Variants in FRYL observed in about 807,000 individuals in gnomAD.
FRYL encodes FRY like transcription coactivator.
Under a neutral mutation model 351.2 loss-of-function variants are expected in FRYL, and 150 were observed. The ratio of observed to expected loss-of-function variants is 0.43; its 90% confidence interval spans 0.37 to 0.49. The LOEUF is 0.49. FRYL is among the 20% of genes least tolerant of loss of function. The pLI is 0.00. For missense variants in FRYL, 3,036 were observed against 3,619.3 expected (o/e 0.84, Z 4.13); for synonymous variants, 1,153 against 1,257.1 (o/e 0.92, Z 1.75).
intron 5 of FRYL, 59 bp downstream of exon 5, chr4:48,623,067 G>T: frequency 9.9e-7 from 1 of 1,009,598 alleles, no homozygotes; most frequent in Non-Finnish European, 1.5e-6. Flanking sequence ...ATTTGGGCCA[G>T]ACTATTAGGA....
intron 9 of FRYL, among the ~76,000 whole-genome samples, chr4:48,606,874 C>G (rs1324533157): frequency 1.3e-5 from 2 of 152,124 alleles, no homozygotes; most frequent in South Asian, 2.1e-4. Context: ...ACCACCATTA[C>G]CATTTAATTA....
intron 60 of FRYL, 38 bp from the exon 61 acceptor site, chr4:48,502,883 G>A: frequency 1.3e-6 from 2 of 1,570,432 alleles, no homozygotes; most frequent in Non-Finnish European, 1.7e-6. Context: ...AAAATACAAA[G>A]GAAGAAAAAG....
intron 7 of FRYL, among the ~76,000 whole-genome samples, chr4:48,615,944 C>T (rs1749338289): frequency 6.6e-6 from 1 of 152,144 alleles, no homozygotes; most frequent in African/African-American, 2.4e-5. Context: ...AATCATCATT[C>T]TCAGCAAACT....
chr4:48,570,834 T>C lies in FRYL; in HGVS notation c.2989A>G (p.Ser997Gly), dbSNP rs1738153260. Residue 997 changes from serine to glycine, a missense_variant, in exon 27 of 64, where the codon AGT (serine) becomes GGT (glycine). Physicochemically the swap from Ser to Gly is moderately conservative, Grantham distance 56. This residue lies in a region of FRYL where 492 missense variants were observed against 551.5 expected (regional missense o/e 0.89). Transcript: ENST00000358350. ...TGTGAATCCAATACTGACCTGTGACTAATGACACCAGCATCTGCCAGCAGT... is the reference window on the plus strand; with the variant it reads ...TGTGAATCCAATACTGACCTGTGACCAATGACACCAGCATCTGCCAGCAGT... ...FELLADAGVI[S>G]HSASGGLDNE... 1 of 1,609,866 alleles carries C rather than the reference T, an allele frequency of 6.2e-7. No individual in the cohort carries two copies. Among genetic ancestry groups the C allele is most frequent in the Admixed American group, 1.7e-5 (1 of 60,006 alleles).
rs1205662752 is a variant in FRYL, at chr4:48,696,853, T to G, written c.-203-12058A>C. 4.2e-4 allele frequency among the ~76,000 whole-genome samples: 48 copies of G among 113,752 alleles called. No individual in the cohort carries two copies. The East Asian group carries it at 9.9e-3, about 24-fold the overall frequency. 74.6% of individuals were successfully genotyped at this position (113,752 alleles called of 152,430 possible). On this transcript the variant is annotated intron_variant, in intron 2 of 63. Transcript: ENST00000358350. The stretch of plus-strand genomic sequence containing the variant: ...GAAAAATAACGATAAGAGATCTATC[T>G]ATCTATCTATCTATCTATCTATCTA...
At position 48,634,363 on chromosome 4, in the gene FRYL, G is replaced by T; in HGVS notation, c.48C>A (p.Val16=). ...IDPDVKPGEY[V]IKSLFAEFAV... ...CAAATTCTGCAAAGAGGCTCTTGATGACATATTCACCAGGTTTGACATCTG... is the reference window on the plus strand; with the variant it reads ...CAAATTCTGCAAAGAGGCTCTTGATTACATATTCACCAGGTTTGACATCTG... Residue 16 remains valine (V), a synonymous_variant, in exon 4 of 64, where the codon GTC becomes GTA. Coordinates refer to ENST00000358350, the MANE Select transcript of FRYL (RefSeq NM_015030.2). 1 of 1,613,506 alleles carries T rather than the reference G, an allele frequency of 6.2e-7. No homozygotes were observed. Among genetic ancestry groups the T allele is most frequent in the South Asian group, 1.1e-5 (1 of 91,058 alleles).
chr4:48,692,139 C>A (rs1765730895), intron 2 of FRYL, among the ~76,000 whole-genome samples: 1 of 152,148 alleles, frequency 6.6e-6, no homozygotes, highest in South Asian at 2.1e-4. Flanking sequence ...TGCAGGGAGG[C>A]AACAGATTGT....
At chr4:48,589,459 T>C (rs867915343) in intron 18 of FRYL, among the ~76,000 whole-genome samples, 5 of 151,552 alleles carry the variant, frequency 3.3e-5, no homozygotes, top group Admixed American at 1.3e-4. Flanking sequence ...CCCACATACA[T>C]CCGGGGTACC....
rs190049266 is a variant in FRYL at position 48,762,196 on chromosome 4, G to T, written c.-384+17882C>A. On this transcript the variant is annotated intron_variant, in intron 1 of 63. Transcript: ENST00000358350. The stretch of plus-strand genomic sequence containing the variant: ...ATTTCTATTGTTTATGAACCATGAA[G>T]TCTAAGGTACTTCGTTATTGCAGCC... Among the ~76,000 whole-genome samples the T allele has an allele frequency of 6.5e-4, 99 of 152,240 alleles. 1 individual carries two copies. The highest frequency in any genetic ancestry group is 5.9e-5 in the Non-Finnish European group (4 of 68,004).
intron 6 of FRYL, 26 bp from the exon 7 acceptor site, chr4:48,619,396 C>A (rs774579349): frequency 7.4e-7 from 1 of 1,347,184 alleles, no homozygotes; most frequent in Non-Finnish European, 1.0e-6. Flanking sequence ...AAAATTAGTA[C>A]TGCATTAAGA....
rs528599539 is a variant in FRYL at position 48,738,531 on chromosome 4, C to A, written c.-383-27833G>T. The stretch of plus-strand genomic sequence containing the variant: ...GTTGTTTCAAAGAGATGGGGTCTCA[C>A]TCTGTCACCCAGGCTAGAGTGCATG... On this transcript the variant is annotated intron_variant, in intron 1 of 63. Transcript: ENST00000358350. Among the ~76,000 whole-genome samples the A allele has an allele frequency of 2.6e-5, 4 of 152,214 alleles. No homozygotes were observed. In the East Asian group the frequency reaches 7.7e-4, roughly 29 times the overall value.
At chr4:48,769,082 C>A (rs1189565839) in intron 1 of FRYL, among the ~76,000 whole-genome samples, 1 of 151,686 alleles carries the variant, frequency 6.6e-6, no homozygotes, top group African/African-American at 2.4e-5. Context: ...TGCAGTGAAC[C>A]ATGATTGCAC....
rs75617142 is a variant in FRYL at position 48,534,229 on chromosome 4, A to C, written c.6705+316T>G. On this transcript the variant is annotated intron_variant, in intron 49 of 63. Coordinates refer to ENST00000358350, the MANE Select transcript of FRYL (RefSeq NM_015030.2). Reference sequence around the variant, plus strand: ...CAACAGAGCAAGACTCCTTCTCAAAACAAAAACAAAAACAACCAATGAGTC... The same window carrying C: ...CAACAGAGCAAGACTCCTTCTCAAACCAAAAACAAAAACAACCAATGAGTC... Among the ~76,000 whole-genome samples, 430 of 152,292 alleles carry C rather than the reference A, an allele frequency of 2.8e-3. 1 individual carries two copies. Among genetic ancestry groups the C allele is most frequent in the African/African-American group, 9.9e-3 (411 of 41,558 alleles).
chr4:48,718,292 C>T (rs756242363), intron 1 of FRYL, among the ~76,000 whole-genome samples: 1 of 151,552 alleles, frequency 6.6e-6, no homozygotes, highest in Non-Finnish European at 1.5e-5. Flanking sequence ...TTAATTAAGG[C>T]AAGCCACTTT....
Position 48,557,041 on chromosome 4 carries a change from T to C in FRYL, c.4203A>G (p.Lys1401=). ...TLADGWPKNL[K]IILHFLISIC... is the part of the protein sequence containing the mutation. ...TGCTGATCAAAAAGTGCAAAATTAT[T>C]TTCAGGTTTTTGGGCCAGCCATCTG... Residue 1401 remains lysine (K), a synonymous_variant, in exon 35 of 64, where the codon AAA becomes AAG. Coordinates refer to ENST00000358350, the MANE Select transcript of FRYL (RefSeq NM_015030.2). 1 of 1,608,368 alleles carries C rather than the reference T, an allele frequency of 6.2e-7. No homozygotes were observed. The highest frequency in any genetic ancestry group is 8.5e-7 in the Non-Finnish European group (1 of 1,177,308).
At position 48,499,644 on chromosome 4, in the gene FRYL, T is replaced by G; in HGVS notation, c.8820A>C (p.Glu2940Asp). 1 of 1,614,118 alleles carries G rather than the reference T, an allele frequency of 6.2e-7. No individual in the cohort carries two copies. Reference protein sequence around the residue: ...LWPSDIFGSCEDDPVQTLLHI... With the variant: ...LWPSDIFGSCDDDPVQTLLHI... ...GTAACAGTGTCTGTACAGGGTCATC[T>G]TCACAACTGCCAAAGATATCACTGG... Residue 2940 changes from glutamate (E) to aspartate (D), a missense_variant, in exon 64 of 64, where the codon GAA (glutamate) becomes GAC (aspartate). By Grantham distance (45) the Glu-to-Asp change is conservative (BLOSUM62 2). This residue lies in a region of FRYL where 1,987 missense variants were observed against 2,311.7 expected (regional missense o/e 0.86). Transcript: ENST00000358350.
At chr4:48,545,676 C>A (rs147500403) in intron 42 of FRYL, among the ~76,000 whole-genome samples, 18 of 152,238 alleles carry the variant, frequency 1.2e-4, no homozygotes, top group Non-Finnish European at 1.5e-4. Flanking sequence ...TTCTTGTGCT[C>A]CTGTGATTTT....
At chr4:48,777,692 A>G in intron 1 of FRYL, among the ~76,000 whole-genome samples, 1 of 152,254 alleles carries the variant, frequency 6.6e-6, no homozygotes, top group East Asian at 1.9e-4. Flanking sequence ...AAAAGTTGAG[A>G]AATTCTTTTA....
intron 1 of FRYL, among the ~76,000 whole-genome samples, chr4:48,726,086 G>C (rs1374265543): frequency 6.6e-6 from 1 of 152,164 alleles, no homozygotes. Flanking sequence ...ACAAAGATGT[G>C]AAAGGCAAAA....
Sources: gnomAD v4.1 joint callset for allele counts (sites outside exome capture counted in the v4.1 genomes callset) on GRCh38, gnomAD v4.1.1 for gene constraint, gnomAD v4.1.1 regional missense constraint, MANE v1.5 for transcripts, NCBI Gene and HGNC (gene_info 2026-07-23, HGNC 2026-07-21) for gene names.